The following ANGPTL7 variants were observed in gnomAD, a reference collection of about 807,000 sequenced individuals.
The protein encoded by ANGPTL7 is angiopoietin-related protein 7.
In ANGPTL7, 37 loss-of-function variants were observed where a neutral mutation model predicts 38.8. That is an observed-to-expected ratio of 0.95 (90% confidence interval 0.73 to 1.25). The LOEUF (loss-of-function observed/expected upper bound fraction) is 1.25, where lower values mean the gene tolerates loss of function less well. Among genes scored for constraint, ANGPTL7 ranks in the 50% most tolerant of loss-of-function variants. The pLI is 0.00. For synonymous variants in ANGPTL7, 166 were observed against 163.2 expected (o/e 1.02, Z -0.13); for missense variants, 427 against 438.6 (o/e 0.97, Z 0.24).
chr1:11,192,491 C>T, intron 2 of ANGPTL7, 121 bp downstream of exon 2: 1 of 797,902 alleles, frequency 1.3e-6, no homozygotes, highest in Non-Finnish European at 2.1e-6. Flanking sequence ...CGCAGTGGCT[C>T]ACACCTGTAA....
chr1:11,189,480 A>G lies in ANGPTL7; in HGVS notation c.-100A>G. 1 of 1,381,108 alleles carries G rather than the reference A, an allele frequency of 7.2e-7. No individual in the cohort carries two copies. The highest frequency in any genetic ancestry group is 1.4e-5 in the African/African-American group (1 of 69,154). The allele number at this position is 1,381,108 out of a possible 1,614,324, so 85.6% of individuals were successfully genotyped here. The stretch of plus-strand genomic sequence containing the variant: ...AAAGTGGCGAGGCCCTCAGAGTGAA[A>G]GCGTAAGGTTCAGTCAGCCTGCTGC... On this transcript the variant is annotated 5_prime_UTR_variant, in exon 1 of 5. Transcript: ENST00000376819.
chr1:11,194,467 G>C lies in ANGPTL7; in HGVS notation c.679G>C (p.Glu227Gln), dbSNP rs1483410296. The part of the protein sequence containing the change: ...TRLRVEMEDW[E>Q]GNLRYAEYSH... ...GCTCTGCTCCTCCTGACAGGACTGG[G>C]AGGGCAACCTGCGCTACGCTGAGTA... The change falls in exon 4 of 5, where the codon GAG (glutamate) becomes CAG (glutamine). Residue 227 changes from glutamate (E) to glutamine (Q), a missense_variant. Transcript: ENST00000376819. The C allele has an allele frequency of 4.3e-6, 7 of 1,613,828 alleles. No individual in the cohort carries two copies. Among genetic ancestry groups the C allele is most frequent in the Non-Finnish European group, 5.9e-6 (7 of 1,180,016 alleles).
Position 11,189,562 on chromosome 1 carries a change from C to A in ANGPTL7, c.-18C>A. On this transcript the variant is annotated 5_prime_UTR_variant, in exon 1 of 5. Transcript: ENST00000376819. ...ACTCCCCTGAAGGAAGAGCCTTCCT[C>A]ACCCAAACCCACAAAAGATGCTGAA... 1.9e-6 allele frequency: 3 copies of A among 1,573,350 alleles called. No homozygotes were observed. The highest frequency in any genetic ancestry group is 1.4e-5 in the African/African-American group (1 of 73,824).
Position 11,194,649 on chromosome 1 carries a change from G to A in ANGPTL7, c.861G>A (p.Gln287=), listed in dbSNP as rs1645708235. ...DNDNCLDKCA[Q]LRKGGYWYNC... is the part of the protein sequence containing the mutation. ...ACAACTGCTTGGACAAGTGTGCACA[G>A]CTCCGCAAAGGTGAGATTTGGGGGG... Residue 287 remains glutamine, a synonymous_variant, in exon 4 of 5, where the codon CAG becomes CAA. Coordinates refer to ENST00000376819, the MANE Select transcript of ANGPTL7 (RefSeq NM_021146.4). 1 of 1,614,166 alleles carries A rather than the reference G, an allele frequency of 6.2e-7. No homozygotes were observed.
chr1:11,194,530 C>T lies in ANGPTL7; in HGVS notation c.742C>T (p.Arg248Cys), dbSNP rs561062501. 4.0e-5 allele frequency: 65 copies of T among 1,614,152 alleles called. No homozygotes were observed. Among genetic ancestry groups the T allele is most frequent in the East Asian group, 1.8e-4 (8 of 44,876 alleles). The change falls in exon 4 of 5, where the codon CGC becomes TGC. Residue 248 changes from arginine to cysteine, a missense_variant. Coordinates refer to ENST00000376819, the MANE Select transcript of ANGPTL7 (RefSeq NM_021146.4). Reference protein sequence around the residue: ...FVLGNELNSYRLFLGNYTGNV... With the variant: ...FVLGNELNSYCLFLGNYTGNV... ...TTTGGGCAATGAACTCAACAGCTAT[C>T]GCCTCTTCCTGGGGAACTACACTGG... is the stretch of plus-strand genomic sequence containing the variant.
Position 11,194,471 on chromosome 1 carries a change from G to T in ANGPTL7, c.683G>T (p.Gly228Val). 1 of 1,613,924 alleles carries T rather than the reference G, an allele frequency of 6.2e-7. No homozygotes were observed. The highest frequency in any genetic ancestry group is 2.2e-5 in the East Asian group (1 of 44,880). Residue 228 changes from glycine (G) to valine (V), a missense_variant, in exon 4 of 5, where the codon GGC (glycine) becomes GTC (valine). Gly to Val is a moderately radical substitution (Grantham distance 109). Transcript: ENST00000376819. ...RLRVEMEDWE[G>V]NLRYAEYSHF... ...TGCTCCTCCTGACAGGACTGGGAGG[G>T]CAACCTGCGCTACGCTGAGTATAGC...
At chr1:11,192,757 A>G (rs1645594172) in intron 2 of ANGPTL7, among the ~76,000 whole-genome samples, 2 of 151,640 alleles carry the variant, frequency 1.3e-5, no homozygotes, top group Admixed American at 6.6e-5. Flanking sequence ...TTAAAAAAAA[A>G]AAAAAAAAAA....
At position 11,190,843 on chromosome 1, in the gene ANGPTL7, A is replaced by ATG. The variant is rs1557823791; in HGVS notation, c.376+888_376+889insTG. Among the ~76,000 whole-genome samples, 5 of 152,224 alleles carry ATG rather than the reference A, an allele frequency of 3.3e-5. No homozygotes were observed. The East Asian group carries it at 9.6e-4, about 29-fold the overall frequency. On this transcript the variant is annotated intron_variant, in intron 1 of 4. Transcript: ENST00000376819. The stretch of plus-strand genomic sequence containing the variant: ...ATTGGTCCCATTATAAACTACATGA[A>ATG]GAACAAAGACATGATCAGCTTCTAC...
At chr1:11,194,349 T>C in intron 3 of ANGPTL7, 112 bp from the exon 4 acceptor site, 1 of 984,572 alleles carries the variant, frequency 1.0e-6, no homozygotes, top group Non-Finnish European at 1.6e-6. Flanking sequence ...CTTATTAGAT[T>C]CACACCTATA....
At position 11,193,658 on chromosome 1, in the gene ANGPTL7, C is replaced by T. The variant is rs991034277; in HGVS notation, c.556C>T (p.Arg186Trp). The T allele has an allele frequency of 5.6e-6, 9 of 1,613,834 alleles. No homozygotes were observed. The highest frequency in any genetic ancestry group is 1.7e-5 in the Admixed American group (1 of 59,968). The change falls in exon 3 of 5, where the codon CGG (arginine) becomes TGG (tryptophan). Residue 186 changes from arginine to tryptophan, a missense_variant. Transcript: ENST00000376819. ...RRKSGLVSFY[R>W]DWKQYKQGFG... The stretch of plus-strand genomic sequence containing the variant: ...AAAAAGTGGCCTTGTCTCCTTCTAC[C>T]GGGACTGGAAGCAGTACAAGCAGGG...
rs547574253 is a variant in ANGPTL7, at chr1:11,192,522, G to A, written c.477+152G>A. The A allele has an allele frequency of 6.3e-4, 398 of 635,498 alleles. 4 individuals are homozygous for A. Among genetic ancestry groups the A allele is most frequent in the African/African-American group, 1.9e-3 (105 of 54,928 alleles). 39.4% of individuals were successfully genotyped at this position (635,498 alleles called of 1,614,324 possible). Reference sequence around the variant, plus strand: ...TGTAATCCCAGCACTATGGGAGGCCGAGGCAGGTGGATCACTTCAGGTCAG... The same window carrying A: ...TGTAATCCCAGCACTATGGGAGGCCAAGGCAGGTGGATCACTTCAGGTCAG... On this transcript the variant is annotated intron_variant, in intron 2 of 4. Coordinates refer to ENST00000376819, the MANE Select transcript of ANGPTL7 (RefSeq NM_021146.4).
In ANGPTL7 at chr1:11,189,588, A is replaced by G; in HGVS notation, c.9A>G (p.Lys3=). ML[K]KPLSAVTWLC... ...ACCCAAACCCACAAAAGATGCTGAA[A>G]AAGCCTCTCTCAGCTGTGACCTGGC... Residue 3 remains lysine, a synonymous_variant, in exon 1 of 5, where the codon AAA becomes AAG. Coordinates refer to ENST00000376819, the MANE Select transcript of ANGPTL7 (RefSeq NM_021146.4). 6.2e-7 allele frequency: 1 copy of G among 1,601,220 alleles called. No homozygotes were observed. Among genetic ancestry groups the G allele is most frequent in the Admixed American group, 1.7e-5 (1 of 57,638 alleles).
intron 4 of ANGPTL7, 65 bp from the exon 5 acceptor site, chr1:11,194,789 C>T (rs759220907): frequency 1.7e-4 from 265 of 1,602,374 alleles, no homozygotes; most frequent in Non-Finnish European, 2.2e-4. Context: ...CTGGCTCTAA[C>T]TCCTTACCTG....
In ANGPTL7 at chr1:11,189,524, T is replaced by A. The variant is rs538942103; in HGVS notation, c.-56T>A. 4.0e-4 allele frequency: 615 copies of A among 1,529,992 alleles called. 2 individuals are homozygous for A. The African/African-American group carries it at 6.9e-3, about 17-fold the overall frequency. 94.8% of individuals were successfully genotyped at this position (1,529,992 alleles called of 1,614,324 possible). On this transcript the variant is annotated 5_prime_UTR_variant, in exon 1 of 5. Coordinates refer to ENST00000376819, the MANE Select transcript of ANGPTL7 (RefSeq NM_021146.4). ...CTGCTGCAGCTTTGCAGACCTCAGCTGGGCATCTCCAGACTCCCCTGAAGG... is the reference window on the plus strand; with the variant it reads ...CTGCTGCAGCTTTGCAGACCTCAGCAGGGCATCTCCAGACTCCCCTGAAGG...
At position 11,194,669 on chromosome 1, in the gene ANGPTL7, G is replaced by C. The variant is rs897910471; in HGVS notation, c.871+10G>C. 1.2e-6 allele frequency: 2 copies of C among 1,613,914 alleles called. No homozygotes were observed. The highest frequency in any genetic ancestry group is 1.1e-5 in the South Asian group (1 of 91,066). Reference sequence around the variant, plus strand: ...GCACAGCTCCGCAAAGGTGAGATTTGGGGGGACCGGAAAGGAGAAGTTCAG... The same window carrying C: ...GCACAGCTCCGCAAAGGTGAGATTTCGGGGGACCGGAAAGGAGAAGTTCAG... On this transcript the variant is annotated intron_variant, in intron 4 of 4. Transcript: ENST00000376819.
intron 2 of ANGPTL7, 61 bp from the exon 3 acceptor site, chr1:11,193,519 C>A: frequency 6.8e-7 from 1 of 1,475,988 alleles, no homozygotes. Context: ...GGGAAGCCTG[C>A]CCTCTTGCTC....
chr1:11,191,301 A>G (rs1178427241), intron 1 of ANGPTL7, among the ~76,000 whole-genome samples: 1 of 152,218 alleles, frequency 6.6e-6, no homozygotes, highest in Non-Finnish European at 1.5e-5. Flanking sequence ...TAGAGGAAGC[A>G]GTAAGTTGGT....
Position 11,193,762 on chromosome 1 carries a change from T to G in ANGPTL7, c.660T>G (p.Arg220=). The change falls in exon 3 of 5, where the codon CGT becomes CGG. Residue 220 remains arginine, a synonymous_variant. Transcript: ENST00000376819. ...TCTCCAGACAGCCAACCCGGCTGCG[T>G]GTAGAGATGGAGGTAAGCACAAGGC... ...HRLSRQPTRL[R]VEMEDWEGNL... 1 of 1,613,994 alleles carries G rather than the reference T, an allele frequency of 6.2e-7. No individual in the cohort carries two copies. The highest frequency in any genetic ancestry group is 8.5e-7 in the Non-Finnish European group (1 of 1,179,982).
In ANGPTL7 at chr1:11,189,676, A is replaced by G. The variant is rs1405258181; in HGVS notation, c.97A>G (p.Lys33Glu). 1.2e-6 allele frequency: 2 copies of G among 1,614,076 alleles called. No individual in the cohort carries two copies. Among genetic ancestry groups the G allele is most frequent in the Non-Finnish European group, 1.7e-6 (2 of 1,180,042 alleles). The change falls in exon 1 of 5, where the codon AAG (lysine) becomes GAG (glutamate). Residue 33 changes from lysine (K) to glutamate (E), a missense_variant. Physicochemically the swap from Lys to Glu is moderately conservative, Grantham distance 56. Coordinates refer to ENST00000376819, the MANE Select transcript of ANGPTL7 (RefSeq NM_021146.4). ...GTGGCTGCAGAAGCTCTCTAAGCAC[A>G]AGACACCAGCACAGCCACAGCTCAA... Reference protein sequence around the residue: ...PAWLQKLSKHKTPAQPQLKAA... With the variant: ...PAWLQKLSKHETPAQPQLKAA...
Sources: allele counts gnomAD v4.1 joint callset (sites outside exome capture counted in the v4.1 genomes callset), GRCh38; gene constraint gnomAD v4.1.1; transcripts MANE v1.5; gene names NCBI Gene and HGNC (gene_info 2026-07-23, HGNC 2026-07-21).